Variants in ADGRB3 observed in about 807,000 individuals in gnomAD.
ADGRB3 encodes adhesion G protein-coupled receptor B3.
A neutral mutation model predicts 193.4 loss-of-function variants in ADGRB3; 37 were observed. The ratio of observed to expected loss-of-function variants is 0.19; its 90% CI spans 0.15 to 0.25. ADGRB3 has a LOEUF of 0.25. ADGRB3 is among the 10% of genes least tolerant of loss of function. The probability of loss-of-function intolerance (pLI) is 1.00; values close to 1 mark genes in which losing one functional copy is unlikely to be tolerated. For missense variants in ADGRB3, 1,637 were observed against 1,852.9 expected (o/e 0.88, Z 2.14); for synonymous variants, 690 against 644.2 (o/e 1.07, Z -1.08).
Position 69,361,382 on chromosome 6 carries a change from A to G in ADGRB3, c.4109A>G (p.Gln1370Arg). 2 of 1,613,106 alleles carry G rather than the reference A, an allele frequency of 1.2e-6. No individual in the cohort carries two copies. The highest frequency in any genetic ancestry group is 1.7e-6 in the Non-Finnish European group (2 of 1,179,262). Residue 1370 changes from glutamine to arginine, a missense_variant, in exon 29 of 32, where the codon CAG becomes CGG. This residue lies in a region of ADGRB3 where 368 missense variants were observed against 367.4 expected (regional missense o/e 1.00). Coordinates refer to ENST00000370598, the MANE Select transcript of ADGRB3 (RefSeq NM_001704.3). ...AACTTAGAGCAACATCTCGCACCCC[A>G]GGAACATATGCAGAATTTGCCCTTT... ...NMNLEQHLAP[Q>R]EHMQNLPFEP...
At chr6:69,299,809 G>A (rs1299751251) in intron 20 of ADGRB3, among the ~76,000 whole-genome samples, 5 of 151,770 alleles carry the variant, frequency 3.3e-5, no homozygotes, top group African/African-American at 1.2e-4. Flanking sequence ...TTAAAGTCAG[G>A]TAGCATGATA....
chr6:69,325,492 A>ATTAATTAATGAAAC (rs1379140511), intron 21 of ADGRB3, among the ~76,000 whole-genome samples: 1 of 152,204 alleles, frequency 6.6e-6, no homozygotes, highest in Admixed American at 6.5e-5. Flanking sequence ...ATGAAACCTC[A>ATTAATTAATGAAAC]CAGCTTGTTG....
At chr6:68,691,940 A>G (rs1248954062) in intron 3 of ADGRB3, among the ~76,000 whole-genome samples, 1 of 151,714 alleles carries the variant, frequency 6.6e-6, no homozygotes, top group Non-Finnish European at 1.5e-5. Flanking sequence ...AATACATTTT[A>G]TTAACAGGTA....
intron 3 of ADGRB3, among the ~76,000 whole-genome samples, chr6:68,658,949 C>A (rs906344962): frequency 9.3e-5 from 14 of 151,088 alleles, no homozygotes; most frequent in Non-Finnish European, 4.5e-5. Flanking sequence ...GATTAAGCAT[C>A]TCTAGTACCA....
chr6:69,216,950 C>T (rs936615673), intron 17 of ADGRB3, among the ~76,000 whole-genome samples: 1 of 152,160 alleles, frequency 6.6e-6, no homozygotes, highest in African/African-American at 2.4e-5. Context: ...GAATGCTGTC[C>T]TACCTGTAAC....
chr6:69,283,871 G>T (rs1228194991), intron 20 of ADGRB3, among the ~76,000 whole-genome samples: 11 of 152,086 alleles, frequency 7.2e-5, no homozygotes, highest in Admixed American at 7.2e-4. Flanking sequence ...TTTAGGCAGC[G>T]GTGTCAATTG....
intron 17 of ADGRB3, among the ~76,000 whole-genome samples, chr6:69,124,153 T>C (rs1222639998): frequency 6.6e-6 from 1 of 152,142 alleles, no homozygotes; most frequent in Non-Finnish European, 1.5e-5. Flanking sequence ...TTTATCTTTA[T>C]ATTTTACAAA....
intron 17 of ADGRB3, among the ~76,000 whole-genome samples, chr6:69,106,296 G>A (rs1773214511): frequency 6.6e-6 from 1 of 151,806 alleles, no homozygotes; most frequent in Admixed American, 6.6e-5. Context: ...ATTTGGCTAA[G>A]GCATGCCTGT....
chr6:69,338,819 C>A, intron 24 of ADGRB3, 97 bp from the exon 25 acceptor site: 1 of 951,888 alleles, frequency 1.1e-6, no homozygotes, highest in Non-Finnish European at 1.7e-6. Context: ...TACTTTTCTG[C>A]ATGAAATCGT....
At chr6:69,172,369 C>A (rs958480199) in intron 17 of ADGRB3, among the ~76,000 whole-genome samples, 1 of 151,794 alleles carries the variant, frequency 6.6e-6, no homozygotes, top group African/African-American at 2.4e-5. Flanking sequence ...ACAGGCCAGG[C>A]GCAGTGGCTC....
chr6:68,809,172 A>T (rs1472560851), intron 3 of ADGRB3, among the ~76,000 whole-genome samples: 1 of 152,196 alleles, frequency 6.6e-6, no homozygotes, highest in East Asian at 1.9e-4. Flanking sequence ...TAGAGCACAC[A>T]TTGGAAAGCA....
chr6:69,259,303 A>G (rs535490146), intron 20 of ADGRB3, among the ~76,000 whole-genome samples: 1 of 152,270 alleles, frequency 6.6e-6, no homozygotes, highest in Admixed American at 6.5e-5. Context: ...TCAATAATTA[A>G]CCTTGTTGCT....
chr6:69,125,145 C>G (rs1398095646), intron 17 of ADGRB3, among the ~76,000 whole-genome samples: 1 of 152,140 alleles, frequency 6.6e-6, no homozygotes, highest in Non-Finnish European at 1.5e-5. Context: ...AATTGCCAAC[C>G]TAACATCCCT....
intron 13 of ADGRB3, among the ~76,000 whole-genome samples, chr6:69,030,068 C>T (rs1240695555): frequency 1.3e-5 from 2 of 150,968 alleles, no homozygotes; most frequent in East Asian, 3.9e-4. Context: ...AATGAGATAC[C>T]ATCCCATGCC....
chr6:69,115,055 G>A (rs554464079), intron 17 of ADGRB3, among the ~76,000 whole-genome samples: 1 of 152,258 alleles, frequency 6.6e-6, no homozygotes, highest in East Asian at 1.9e-4. Flanking sequence ...CAGGGATCTA[G>A]AACCAGAAAT....
At chr6:68,753,848 C>T (rs1225760575) in intron 3 of ADGRB3, among the ~76,000 whole-genome samples, 1 of 152,008 alleles carries the variant, frequency 6.6e-6, no homozygotes, top group Admixed American at 6.6e-5. Flanking sequence ...TGGAAGAATA[C>T]CCAGTTGAAA....
At chr6:69,371,920 T>C (rs570853891) in intron 29 of ADGRB3, among the ~76,000 whole-genome samples, 58 of 152,260 alleles carry the variant, frequency 3.8e-4, no homozygotes, top group East Asian at 1.2e-3. Context: ...GTGAGACTTA[T>C]GAAGAACTTT....
At chr6:68,879,145 G>A (rs1336691823) in intron 3 of ADGRB3, among the ~76,000 whole-genome samples, 1 of 151,490 alleles carries the variant, frequency 6.6e-6, no homozygotes, top group Non-Finnish European at 1.5e-5. Context: ...TGAATGTCTG[G>A]AAATAGGTGC....
intron 10 of ADGRB3, among the ~76,000 whole-genome samples, chr6:68,980,624 G>A (rs1299829966): frequency 6.6e-6 from 1 of 151,482 alleles, no homozygotes; most frequent in African/African-American, 2.4e-5. Context: ...TATGTATTGA[G>A]CTAAAAAGTA....
Sources: gnomAD v4.1 joint callset for allele counts (sites outside exome capture counted in the v4.1 genomes callset) on GRCh38, gnomAD v4.1.1 for gene constraint, gnomAD v4.1.1 regional missense constraint, MANE v1.5 for transcripts, NCBI Gene and HGNC (gene_info 2026-07-23, HGNC 2026-07-21) for gene names.